Variants in NRG1 observed in about 807,000 individuals in gnomAD.
NRG1 encodes the protein pro-neuregulin-1, membrane-bound isoform.
A neutral mutation model predicts 63.8 loss-of-function variants in NRG1; 18 were observed. That is an observed-to-expected ratio of 0.28 (90% CI 0.19 to 0.42). The LOEUF (loss-of-function observed/expected upper bound fraction) is 0.42. Ranked by LOEUF, NRG1 falls within the 10% of genes least tolerant of loss-of-function variation. The pLI is 1.00. For synonymous variants in NRG1, 302 were observed against 301.3 expected, an observed-to-expected ratio of 1.00 and a Z score of -0.02; for missense variants, 762 against 814.7, an observed-to-expected ratio of 0.94 and a Z score of 0.79.
chr8:32,389,903 G>T (rs1010936351), intron 1 of NRG1, among the ~76,000 whole-genome samples: 3 of 152,006 alleles, frequency 2.0e-5, no homozygotes, highest in African/African-American at 7.2e-5. Context: ...GGGGTTACAG[G>T]TGCATGCCAC....
intron 11 of NRG1, among the ~76,000 whole-genome samples, chr8:32,761,317 T>C (rs1830634811): frequency 6.6e-6 from 1 of 152,198 alleles, no homozygotes; most frequent in Admixed American, 6.5e-5. Flanking sequence ...TTTGACCATT[T>C]ACTAAAAGGT....
intron 1 of NRG1, among the ~76,000 whole-genome samples, chr8:32,203,734 G>C (rs1843729729): frequency 6.6e-6 from 1 of 152,132 alleles, no homozygotes; most frequent in Non-Finnish European, 1.5e-5. Context: ...TTTGGGCCAA[G>C]TGCATTTCTA....
chr8:32,650,611 T>C (rs1854846006), intron 5 of NRG1, among the ~76,000 whole-genome samples: 1 of 150,242 alleles, frequency 6.7e-6, no homozygotes, highest in African/African-American at 2.5e-5. Context: ...AGTGGTTGTT[T>C]TTGTTGTTGT....
chr8:31,701,291 T>C (rs568328085), intron 1 of NRG1, among the ~76,000 whole-genome samples: 2 of 152,222 alleles, frequency 1.3e-5, no homozygotes, highest in East Asian at 3.9e-4. Context: ...CACTAAGATC[T>C]AGGGTGACTC....
At chr8:32,029,686 G>A (rs1563698935) in intron 1 of NRG1, among the ~76,000 whole-genome samples, 1 of 152,046 alleles carries the variant, frequency 6.6e-6, no homozygotes, top group African/African-American at 2.4e-5. Flanking sequence ...GACTCATATC[G>A]AGGTTTCTAA....
chr8:32,305,948 C>G (rs1478916745), intron 1 of NRG1, among the ~76,000 whole-genome samples: 1 of 152,174 alleles, frequency 6.6e-6, no homozygotes, highest in Non-Finnish European at 1.5e-5. Context: ...AATTATTTTA[C>G]TTCTCTGAGC....
chr8:32,271,345 C>G (rs367809386), intron 1 of NRG1, among the ~76,000 whole-genome samples: 2 of 152,156 alleles, frequency 1.3e-5, no homozygotes, highest in South Asian at 4.2e-4. Context: ...TTTAAGAAAT[C>G]AAAGTATGAG....
chr8:32,195,741 A>G (rs1842889508), intron 1 of NRG1, among the ~76,000 whole-genome samples: 1 of 152,230 alleles, frequency 6.6e-6, no homozygotes, highest in Admixed American at 6.5e-5. Flanking sequence ...TTAGTTATCG[A>G]TAATTATAAT....
At chr8:32,236,275 C>A (rs865897184) in intron 1 of NRG1, among the ~76,000 whole-genome samples, 1 of 151,896 alleles carries the variant, frequency 6.6e-6, no homozygotes. Flanking sequence ...TGGAATCAAA[C>A]CTGGGGGGGA....
chr8:32,562,045 ACT>A (rs2129527109), intron 1 of NRG1, among the ~76,000 whole-genome samples: 1 of 152,236 alleles, frequency 6.6e-6, no homozygotes, highest in Non-Finnish European at 1.5e-5. Flanking sequence ...GAAGAATGCC[ACT>A]CTACAGATTA....
chr8:32,241,994 C>A (rs1452654604), intron 1 of NRG1, among the ~76,000 whole-genome samples: 2 of 152,092 alleles, frequency 1.3e-5, no homozygotes, highest in Non-Finnish European at 2.9e-5. Context: ...CTCAAGAAAT[C>A]CTTCAGACTT....
intron 1 of NRG1, among the ~76,000 whole-genome samples, chr8:32,491,422 T>C (rs959760032): frequency 6.6e-6 from 1 of 152,216 alleles, no homozygotes; most frequent in Admixed American, 6.5e-5. Flanking sequence ...TAGAAAAAGA[T>C]GCTTCACTGC....
At chr8:32,591,569 T>G (rs773649275) in intron 1 of NRG1, among the ~76,000 whole-genome samples, 1 of 152,086 alleles carries the variant, frequency 6.6e-6, no homozygotes, top group South Asian at 2.1e-4. Context: ...CATAGTGGGG[T>G]TGGGGCCCTG....
chr8:32,407,275 TTATATATA>T (rs529128261), intron 1 of NRG1, among the ~76,000 whole-genome samples: 1 of 47,602 alleles, frequency 2.1e-5, no homozygotes, highest in Non-Finnish European at 4.4e-5. Context: ...TATATATATA[TTATATATA>T]TATATATATA....
intron 1 of NRG1, among the ~76,000 whole-genome samples, chr8:31,697,184 C>T (rs1810157091): frequency 6.6e-6 from 1 of 152,138 alleles, no homozygotes; most frequent in African/African-American, 2.4e-5. Context: ...GTGTATATAT[C>T]ACTTTACTTA....
intron 1 of NRG1, among the ~76,000 whole-genome samples, chr8:32,385,503 A>C (rs1810898554): frequency 6.6e-6 from 1 of 152,186 alleles, no homozygotes; most frequent in South Asian, 2.1e-4. Context: ...TAGGAAGTAC[A>C]GTGGCGTCTG....
rs114232081 is a variant in NRG1, at chr8:32,056,141, G to A, written c.37+416710G>A. Among the ~76,000 whole-genome samples the A allele has an allele frequency of 3.7e-3, 565 of 152,222 alleles. 5 individuals are homozygous for A. The highest frequency in any genetic ancestry group is 0.013 in the African/African-American group (536 of 41,544). ...ATAATGAGAAATGCATCTGTCTGAC[G>A]AGAATGTTGAGTTGGCCTGATAAAT... On this transcript the variant is annotated intron_variant, in intron 1 of 10. Transcript: ENST00000519301.
intron 1 of NRG1, among the ~76,000 whole-genome samples, chr8:31,955,279 A>G (rs1804178461): frequency 6.6e-6 from 1 of 152,234 alleles, no homozygotes. Flanking sequence ...AAAATTAGTG[A>G]ATGAAATAGG....
At chr8:31,665,707 C>T (rs1563271022) in intron 1 of NRG1, among the ~76,000 whole-genome samples, 1 of 152,030 alleles carries the variant, frequency 6.6e-6, no homozygotes, top group Non-Finnish European at 1.5e-5. Context: ...AAAGCATAGG[C>T]TTTATTTTTT....
Sources: gnomAD v4.1 joint callset for allele counts (sites outside exome capture counted in the v4.1 genomes callset) on GRCh38, gnomAD v4.1.1 for gene constraint, MANE v1.5 for transcripts, NCBI Gene and HGNC (gene_info 2026-07-23, HGNC 2026-07-21) for gene names.